The following TM9SF4 variants were observed in gnomAD, a reference collection of about 807,000 sequenced individuals.
TM9SF4 encodes transmembrane 9 superfamily member 4, also known as dinucleotide oxidase disulfide thiol exchanger 3 superfamily member 4.
Under a neutral mutation model 90.4 loss-of-function variants are expected in TM9SF4, and 26 were observed. The ratio of observed to expected loss-of-function variants is 0.29; its 90% confidence interval spans 0.21 to 0.40. The LOEUF is 0.40. Among genes scored for constraint, TM9SF4 ranks in the 10% least tolerant of loss-of-function variants. The probability of loss-of-function intolerance (pLI) is 1.00; values close to 1 mark genes in which losing one functional copy is unlikely to be tolerated. For missense variants in TM9SF4, 549 were observed against 834.8 expected (o/e 0.66, Z 4.22); for synonymous variants, 293 against 315.4 (o/e 0.93, Z 0.75).
At chr20:32,150,967 T>C (rs1406593189) in intron 12 of TM9SF4, 92 bp downstream of exon 12, 7 of 1,483,412 alleles carry the variant, frequency 4.7e-6, no homozygotes, top group Non-Finnish European at 6.5e-6. Context: ...CTGGTGGGGA[T>C]TTTTGGGCCA....
intron 5 of TM9SF4, among the ~76,000 whole-genome samples, chr20:32,142,240 C>CT (rs2046692099): frequency 6.6e-6 from 1 of 152,124 alleles, no homozygotes; most frequent in South Asian, 2.1e-4. Context: ...TACTAGTTGT[C>CT]TAAGTGACCC....
chr20:32,128,685 C>T (rs973240007), intron 1 of TM9SF4, among the ~76,000 whole-genome samples: 11 of 152,044 alleles, frequency 7.2e-5, no homozygotes, highest in African/African-American at 2.7e-4. Flanking sequence ...CAGTATTTGA[C>T]GTTGTTTCTG....
At chr20:32,132,014 A>C (rs150022157) in intron 1 of TM9SF4, among the ~76,000 whole-genome samples, 120 of 152,348 alleles carry the variant, frequency 7.9e-4, no homozygotes, top group Middle Eastern at 3.4e-3. Context: ...AAGGGACTAG[A>C]GAAATGGGTA....
chr20:32,129,149 T>G (rs987049169), intron 1 of TM9SF4, among the ~76,000 whole-genome samples: 4 of 152,066 alleles, frequency 2.6e-5, no homozygotes, highest in Non-Finnish European at 4.4e-5. Context: ...CCACACAGTG[T>G]TCTAGCTCCT....
At chr20:32,137,643 T>A (rs2046613345) in intron 3 of TM9SF4, among the ~76,000 whole-genome samples, 1 of 152,202 alleles carries the variant, frequency 6.6e-6, no homozygotes, top group South Asian at 2.1e-4. Context: ...AGGCATTCGA[T>A]AATTGTTAGT....
chr20:32,156,443 A>T (rs1464802728), intron 13 of TM9SF4, among the ~76,000 whole-genome samples: 2 of 152,226 alleles, frequency 1.3e-5, no homozygotes, highest in Non-Finnish European at 2.9e-5. Context: ...AAGATACCAA[A>T]ATTCAAGGAT....
intron 8 of TM9SF4, 57 bp downstream of exon 8, chr20:32,145,480 A>G (rs2046750901): frequency 6.8e-7 from 1 of 1,481,246 alleles, no homozygotes; most frequent in Non-Finnish European, 9.4e-7. Context: ...AGGGACTGAG[A>G]CATCACATCA....
intron 1 of TM9SF4, among the ~76,000 whole-genome samples, chr20:32,123,169 GA>G (rs1473067759): frequency 5.8e-5 from 3 of 51,822 alleles, no homozygotes; most frequent in Non-Finnish European, 8.6e-5. Context: ...AGGAGAGGGA[GA>G]GGGGGAGGGG....
chr20:32,147,609 T>G (rs1393440876), intron 9 of TM9SF4, among the ~76,000 whole-genome samples: 1 of 152,152 alleles, frequency 6.6e-6, no homozygotes, highest in Non-Finnish European at 1.5e-5. Context: ...TCTCAGCACT[T>G]TGGGAGGCCA....
At chr20:32,111,215 T>C (rs1463044022) in intron 1 of TM9SF4, among the ~76,000 whole-genome samples, 1 of 152,122 alleles carries the variant, frequency 6.6e-6, no homozygotes, top group Non-Finnish European at 1.5e-5. Context: ...GAACCACGAG[T>C]GGGGCAAATC....
At chr20:32,158,040 G>A in intron 14 of TM9SF4, 71 bp downstream of exon 14, 8 of 1,577,370 alleles carry the variant, frequency 5.1e-6, no homozygotes, top group Non-Finnish European at 6.9e-6. Context: ...CACCAGAAGG[G>A]TGCGGCAACC....
At chr20:32,119,994 T>C (rs888368253) in intron 1 of TM9SF4, among the ~76,000 whole-genome samples, 1 of 152,164 alleles carries the variant, frequency 6.6e-6, no homozygotes, top group African/African-American at 2.4e-5. Context: ...TATAGACTTT[T>C]AATTATTTTC....
intron 12 of TM9SF4, among the ~76,000 whole-genome samples, chr20:32,153,334 A>G (rs2046870001): frequency 6.6e-6 from 1 of 152,222 alleles, no homozygotes; most frequent in Admixed American, 6.5e-5. Context: ...CTGTGAGCCA[A>G]AGATGAAACT....
At chr20:32,119,911 C>A (rs898893863) in intron 1 of TM9SF4, among the ~76,000 whole-genome samples, 1 of 152,108 alleles carries the variant, frequency 6.6e-6, no homozygotes, top group Non-Finnish European at 1.5e-5. Flanking sequence ...TTTGAAAAGA[C>A]TTATGTTTCT....
intron 16 of TM9SF4, among the ~76,000 whole-genome samples, chr20:32,160,857 G>A (rs2122476989): frequency 6.8e-6 from 1 of 147,408 alleles, no homozygotes; most frequent in South Asian, 2.1e-4. Context: ...GGCCGAGGCA[G>A]GAGAATCACT....
chr20:32,149,765 C>T lies in TM9SF4; in HGVS notation c.1086C>T (p.Ile362=). 1 of 1,614,166 alleles carries T rather than the reference C, an allele frequency of 6.2e-7. No individual in the cohort carries two copies. Among genetic ancestry groups the T allele is most frequent in the African/African-American group, 1.3e-5 (1 of 75,086 alleles). ...IQLFCMILIV[I]FVAMLGMLSP... is the part of the protein sequence containing the mutation. ...TGTTCTGTATGATCCTCATCGTCAT[C>T]TGTGAGTGTGCCCAGCGGGGCCGGG... is the stretch of plus-strand genomic sequence containing the variant. Residue 362 remains isoleucine, a splice_region_variant and synonymous_variant, in exon 10 of 18, where the codon ATC becomes ATT. Transcript: ENST00000398022.
At chr20:32,163,245 CAAAAAAAAAA>C (rs67827616) in intron 17 of TM9SF4, among the ~76,000 whole-genome samples, 11 of 41,028 alleles carry the variant, frequency 2.7e-4, no homozygotes, top group African/African-American at 9.0e-4. Flanking sequence ...GACTCCATCT[CAAAAAAAAAA>C]AAAAAAAAAA....
At chr20:32,121,592 A>G (rs536318841) in intron 1 of TM9SF4, among the ~76,000 whole-genome samples, 1 of 151,956 alleles carries the variant, frequency 6.6e-6, no homozygotes, top group Non-Finnish European at 1.5e-5. Flanking sequence ...AAAGTCTCCC[A>G]TGTCTACTTC....
chr20:32,130,268 A>G (rs2046491322), intron 1 of TM9SF4, among the ~76,000 whole-genome samples: 1 of 152,192 alleles, frequency 6.6e-6, no homozygotes, highest in East Asian at 1.9e-4. Flanking sequence ...TCTAAGATAA[A>G]TTGGTGTGTG....
Sources: allele counts gnomAD v4.1 joint callset (sites outside exome capture counted in the v4.1 genomes callset), GRCh38; gene constraint gnomAD v4.1.1; transcripts MANE v1.5; gene names NCBI Gene and HGNC (gene_info 2026-07-23, HGNC 2026-07-21).